ERC1: variants seen among roughly 807,000 people sequenced by gnomAD.
The protein encoded by ERC1 is RAB6 interacting protein 2.
In ERC1, 56 loss-of-function variants were observed where a neutral mutation model predicts 132.0. That is an observed-to-expected ratio of 0.42 (90% CI 0.34 to 0.53). The LOEUF is 0.53. Among genes scored for constraint, ERC1 ranks in the 20% least tolerant of loss-of-function variants. The pLI is 0.03. For missense variants in ERC1, 1,202 were observed against 1,349.9 expected (o/e 0.89, Z 1.72); for synonymous variants, 478 against 476.1 (o/e 1.00, Z -0.05).
chr12:1,165,940 G>A lies in ERC1; in HGVS notation c.1738-14600G>A, dbSNP rs1476869971. Among the ~76,000 whole-genome samples the A allele has an allele frequency of 1.3e-5, 2 of 152,114 alleles. 1 individual carries two copies. The highest frequency in any genetic ancestry group is 4.1e-4 in the South Asian group (2 of 4,826). ...TTCAGAAAGAAACTCACACCTGCTG[G>A]CAATTACAACCCCTCATCCTCTGAC... is the stretch of plus-strand genomic sequence containing the variant. On this transcript the variant is annotated intron_variant, in intron 8 of 18. Transcript: ENST00000360905.
chr12:1,388,908 C>T (rs368506150), intron 16 of ERC1, among the ~76,000 whole-genome samples: 7 of 152,152 alleles, frequency 4.6e-5, no homozygotes, highest in East Asian at 1.9e-4. Flanking sequence ...CAAAGTCCAC[C>T]GCAGATCTTG....
At chr12:1,195,392 A>G (rs1956125646) in intron 12 of ERC1, among the ~76,000 whole-genome samples, 1 of 152,174 alleles carries the variant, frequency 6.6e-6, no homozygotes, top group Admixed American at 6.5e-5. Flanking sequence ...CCATTCTAAC[A>G]CAACCACAAG....
chr12:1,165,450 C>T lies in ERC1; in HGVS notation c.1738-15090C>T, dbSNP rs533993240. On this transcript the variant is annotated intron_variant, in intron 8 of 18. Transcript: ENST00000360905. ...CCTCCCGAGTAGCTGGGACTACAGG[C>T]GCCTGCCACCATGCCCGGCGAATTT... 2.2e-4 allele frequency among the ~76,000 whole-genome samples: 33 copies of T among 152,058 alleles called. No individual in the cohort carries two copies. The South Asian group carries it at 5.6e-3, about 26-fold the overall frequency.
At position 1,331,431 on chromosome 12, in the gene ERC1, G is replaced by A. The variant is rs550861109; in HGVS notation, c.2781-40402G>A. On this transcript the variant is annotated intron_variant, in intron 15 of 18. Coordinates refer to ENST00000360905, the MANE Select transcript of ERC1 (RefSeq NM_178040.4). The stretch of plus-strand genomic sequence containing the variant: ...ATCTACTTACTTATTCACTGTTGAT[G>A]GAGACAGAGCCCATTTAGTTTGGGG... 3.3e-5 allele frequency among the ~76,000 whole-genome samples: 5 copies of A among 152,276 alleles called. No homozygotes were observed. The South Asian group carries it at 1.0e-3, about 32-fold the overall frequency.
intron 14 of ERC1, among the ~76,000 whole-genome samples, chr12:1,275,521 A>T (rs772612985): frequency 6.6e-6 from 1 of 152,206 alleles, no homozygotes; most frequent in African/African-American, 2.4e-5. Flanking sequence ...GGCTGAGGAC[A>T]TGTTAGGAAA....
intron 15 of ERC1, among the ~76,000 whole-genome samples, chr12:1,311,821 G>A (rs2081329249): frequency 6.6e-6 from 1 of 151,954 alleles, no homozygotes; most frequent in Non-Finnish European, 1.5e-5. Flanking sequence ...TTTTTTCTAT[G>A]GAGATACGTG....
rs1172108036 is a variant in ERC1, at chr12:1,146,308, G to GTTT, written c.1737+4544_1737+4546dup. Among the ~76,000 whole-genome samples, 302 of 31,730 alleles carry GTTT rather than the reference G, an allele frequency of 9.5e-3. 10 individuals carry two copies. The highest frequency in any genetic ancestry group is 0.018 in the African/African-American group (143 of 7,968). The allele number at this position is 31,730 out of a possible 152,430, so 20.8% of individuals were successfully genotyped here. A position where few individuals can be genotyped will look rare whatever the true frequency, so the allele number is the denominator to read the frequency against. On this transcript the variant is annotated intron_variant, in intron 8 of 18. Transcript: ENST00000360905. ...ATTTCCTTGTTTAGGTATTTTACTGGTTTTTTTTTTTTTTTTTTTTTTTTT... is the reference window on the plus strand; with the variant it reads ...ATTTCCTTGTTTAGGTATTTTACTGGTTTTTTTTTTTTTTTTTTTTTTTTTTTT...
At chr12:1,427,824 C>T (rs1439429072) in intron 17 of ERC1, among the ~76,000 whole-genome samples, 3 of 152,164 alleles carry the variant, frequency 2.0e-5, no homozygotes, top group South Asian at 4.1e-4. Context: ...ACATATAGGA[C>T]GTGCTCAATA....
intron 17 of ERC1, among the ~76,000 whole-genome samples, chr12:1,441,583 C>G (rs748250481): frequency 2.6e-5 from 4 of 152,166 alleles, no homozygotes; most frequent in South Asian, 2.1e-4. Context: ...GCAGCTCTTT[C>G]AGCCTTTGCA....
At chr12:1,440,679 A>C (rs1404951887) in intron 17 of ERC1, among the ~76,000 whole-genome samples, 1 of 73,244 alleles carries the variant, frequency 1.4e-5, no homozygotes, top group African/African-American at 5.1e-5. Flanking sequence ...ATGGAGTCTC[A>C]CTCTGTCGCC....
chr12:1,228,070 A>G lies in ERC1; in HGVS notation c.2352-8699A>G, dbSNP rs77762549. ...GATTTGTAACATAGTTTGAAATCCG[A>G]AAGTGTGATGACTCCAGCTTTGTTC... is the stretch of plus-strand genomic sequence containing the variant. On this transcript the variant is annotated intron_variant, in intron 12 of 18. Coordinates refer to ENST00000360905, the MANE Select transcript of ERC1 (RefSeq NM_178040.4). Among the ~76,000 whole-genome samples, 428 of 152,288 alleles carry G rather than the reference A, an allele frequency of 2.8e-3. 1 individual carries two copies. The highest frequency in any genetic ancestry group is 9.9e-3 in the African/African-American group (413 of 41,550).
chr12:1,235,947 A>G (rs1049153734), intron 12 of ERC1, among the ~76,000 whole-genome samples: 4 of 152,194 alleles, frequency 2.6e-5, no homozygotes, highest in Non-Finnish European at 5.9e-5. Context: ...ATTGCCATAT[A>G]TTATTTCATA....
intron 1 of ERC1, among the ~76,000 whole-genome samples, chr12:1,023,486 A>G (rs1966669481): frequency 6.6e-6 from 1 of 151,842 alleles, no homozygotes; most frequent in African/African-American, 2.4e-5. Flanking sequence ...GTTTGGGGGC[A>G]TGGTGTATTT....
chr12:1,381,669 G>A (rs1306619629), intron 16 of ERC1, among the ~76,000 whole-genome samples: 8 of 152,100 alleles, frequency 5.3e-5, no homozygotes, highest in Non-Finnish European at 1.2e-4. Context: ...ATGGTATCCA[G>A]ATTGTTTTGA....
intron 2 of ERC1, among the ~76,000 whole-genome samples, chr12:1,074,551 C>T (rs1941024267): frequency 6.6e-6 from 1 of 152,168 alleles, no homozygotes. Context: ...CCACTTTGGC[C>T]TCCCAGAGTG....
chr12:1,277,821 A>C (rs1444336801), intron 14 of ERC1, among the ~76,000 whole-genome samples: 1 of 152,202 alleles, frequency 6.6e-6, no homozygotes, highest in East Asian at 1.9e-4. Flanking sequence ...GTTATTATGG[A>C]ACATGATATT....
At chr12:1,164,294 GTTATT>G (rs925886313) in intron 8 of ERC1, among the ~76,000 whole-genome samples, 19,080 of 125,266 alleles carry the variant, frequency 0.15, 1,863 homozygotes, top group Non-Finnish European at 0.21. Context: ...ATTTTATTTT[GTTATT>G]TTATTTTATG....
At chr12:1,196,385 C>T (rs976232233) in intron 12 of ERC1, among the ~76,000 whole-genome samples, 1 of 152,072 alleles carries the variant, frequency 6.6e-6, no homozygotes, top group Non-Finnish European at 1.5e-5. Flanking sequence ...AAGGAAGATA[C>T]CCAAAAATTT....
chr12:1,342,474 A>AAC (rs963148410), intron 15 of ERC1, among the ~76,000 whole-genome samples: 18 of 151,812 alleles, frequency 1.2e-4, no homozygotes, highest in Admixed American at 3.9e-4. Context: ...GTCTCAAAAA[A>AAC]AAAAAAAACA....
Sources: allele counts gnomAD v4.1 joint callset (sites outside exome capture counted in the v4.1 genomes callset), GRCh38; gene constraint gnomAD v4.1.1; transcripts MANE v1.5; gene names NCBI Gene and HGNC (gene_info 2026-07-23, HGNC 2026-07-21).